ENPP3: variants seen among roughly 807,000 people sequenced by gnomAD.
ENPP3 encodes ectonucleotide pyrophosphatase/phosphodiesterase 3.
ENPP3 carries 104 observed loss-of-function variants against 117.8 expected under a neutral mutation model. That is an observed-to-expected ratio of 0.88 (90% CI 0.75 to 1.04). ENPP3 has a LOEUF of 1.04. Ranked by LOEUF, ENPP3 falls within the 50% of genes least tolerant of loss-of-function variation. ENPP3 has a pLI of 0.00. For missense variants in ENPP3, 1,026 were observed against 1,051.9 expected (o/e 0.98, Z 0.34); for synonymous variants, 380 against 349.9 (o/e 1.09, Z -0.96).
intron 17 of ENPP3, among the ~76,000 whole-genome samples, chr6:131,721,009 C>T (rs1780007377): frequency 6.6e-6 from 1 of 152,050 alleles, no homozygotes; most frequent in Non-Finnish European, 1.5e-5. Flanking sequence ...GACAAACTTA[C>T]CTAAAAACAC....
chr6:131,662,781 A>T (rs1778531011), intron 6 of ENPP3, among the ~76,000 whole-genome samples: 1 of 152,178 alleles, frequency 6.6e-6, no homozygotes, highest in Non-Finnish European at 1.5e-5. Context: ...TTTGGGTAAT[A>T]GGAACATTTT....
At chr6:131,721,727 T>C (rs891479699) in intron 17 of ENPP3, among the ~76,000 whole-genome samples, 5 of 152,202 alleles carry the variant, frequency 3.3e-5, no homozygotes, top group Non-Finnish European at 7.3e-5. Flanking sequence ...CAAGGAAGAT[T>C]ATAAATTATT....
intron 24 of ENPP3, among the ~76,000 whole-genome samples, chr6:131,745,674 A>G (rs1780621631): frequency 1.3e-5 from 2 of 152,226 alleles, no homozygotes; most frequent in Non-Finnish European, 2.9e-5. Flanking sequence ...TAGTCAGCAT[A>G]ATAAAATATA....
At chr6:131,721,652 ATAT>A (rs1487809826) in intron 17 of ENPP3, among the ~76,000 whole-genome samples, 1 of 150,782 alleles carries the variant, frequency 6.6e-6, no homozygotes, top group East Asian at 1.9e-4. Flanking sequence ...AGCTCTCCTA[ATAT>A]TAAGCAAAAT....
At position 131,685,473 on chromosome 6, in the gene ENPP3, T is replaced by A; in HGVS notation, c.1230T>A (p.Asn410Lys). 6.2e-7 allele frequency: 1 copy of A among 1,613,980 alleles called. No homozygotes were observed. Among genetic ancestry groups the A allele is most frequent in the Non-Finnish European group, 8.5e-7 (1 of 1,179,932 alleles). ...CTGCCCCCCGCATCCGAGCTCATAA[T>A]ATACCTCATGACTTTTTTAGTTGTA... ...EGPAPRIRAH[N>K]IPHDFFSFNS... Residue 410 changes from asparagine (N) to lysine (K), a missense_variant, in exon 13 of 25, where the codon AAT (asparagine) becomes AAA (lysine). Asn to Lys is a moderately conservative substitution (Grantham distance 94). Coordinates refer to ENST00000357639, the MANE Select transcript of ENPP3 (RefSeq NM_005021.5).
chr6:131,638,032 C>T (rs1224722689), intron 1 of ENPP3, among the ~76,000 whole-genome samples: 1 of 149,584 alleles, frequency 6.7e-6, no homozygotes. Flanking sequence ...TATCCATTTC[C>T]TTGATTTTAT....
chr6:131,671,159 T>A (rs1778731771), intron 6 of ENPP3, 89 bp from the exon 7 acceptor site: 2 of 791,180 alleles, frequency 2.5e-6, no homozygotes, highest in Admixed American at 2.0e-5. Context: ...TTTTTTATTT[T>A]TCTGAGAGAC....
At chr6:131,677,832 AT>A in intron 10 of ENPP3, 35 bp from the exon 11 acceptor site, 3 of 1,345,710 alleles carry the variant, frequency 2.2e-6, no homozygotes, top group Non-Finnish European at 3.2e-6. Flanking sequence ...TTTATAGCAA[AT>A]TGATAATATA....
At chr6:131,656,153 C>G (rs1044108496) in intron 5 of ENPP3, among the ~76,000 whole-genome samples, 5 of 152,106 alleles carry the variant, frequency 3.3e-5, no homozygotes, top group African/African-American at 1.2e-4. Flanking sequence ...CCTAGCTCTG[C>G]CCCTACTGGC....
chr6:131,691,314 C>T (rs141146293), intron 14 of ENPP3, among the ~76,000 whole-genome samples: 11,269 of 152,020 alleles, frequency 0.074, 1,278 homozygotes, highest in African/African-American at 0.25. Context: ...AACGGCCGGG[C>T]GCGGTGGCTC....
At chr6:131,640,283 C>T (rs192708608) in intron 1 of ENPP3, among the ~76,000 whole-genome samples, 5 of 152,248 alleles carry the variant, frequency 3.3e-5, no homozygotes, top group Admixed American at 6.5e-5. Context: ...TAGTTTCAGT[C>T]GACTGTGTCT....
chr6:131,703,967 T>G (rs1477870262), intron 15 of ENPP3, among the ~76,000 whole-genome samples: 1 of 151,896 alleles, frequency 6.6e-6, no homozygotes, highest in Non-Finnish European at 1.5e-5. Flanking sequence ...TCTCATTCTG[T>G]CTCTGAGGAA....
chr6:131,674,358 G>A (rs763256860), intron 8 of ENPP3, 77 bp downstream of exon 8: 1 of 1,401,296 alleles, frequency 7.1e-7, no homozygotes, highest in Non-Finnish European at 1.0e-6. Context: ...TTCTCACTCA[G>A]TGGAGCAAGT....
intron 20 of ENPP3, among the ~76,000 whole-genome samples, chr6:131,732,165 T>G (rs1327880227): frequency 6.6e-6 from 1 of 152,230 alleles, no homozygotes; most frequent in Non-Finnish European, 1.5e-5. Context: ...ATCTTCATTT[T>G]TTTATAAATT....
intron 6 of ENPP3, among the ~76,000 whole-genome samples, chr6:131,670,156 A>G (rs553460207): frequency 6.6e-6 from 1 of 152,372 alleles, no homozygotes; most frequent in East Asian, 1.9e-4. Context: ...GGTCTAATGG[A>G]AACTGTACTA....
At chr6:131,730,177 G>T (rs1177336008) in intron 20 of ENPP3, among the ~76,000 whole-genome samples, 1 of 152,176 alleles carries the variant, frequency 6.6e-6, no homozygotes, top group Non-Finnish European at 1.5e-5. Context: ...CGATAAAGAT[G>T]TGTGTTAGGA....
chr6:131,723,441 AG>A (rs1457334460), intron 18 of ENPP3, among the ~76,000 whole-genome samples: 1 of 152,156 alleles, frequency 6.6e-6, no homozygotes, highest in African/African-American at 2.4e-5. Flanking sequence ...ATTACTTACT[AG>A]GTATATTATT....
chr6:131,653,350 G>A (rs1778307016), intron 5 of ENPP3, among the ~76,000 whole-genome samples: 1 of 146,832 alleles, frequency 6.8e-6, no homozygotes, highest in African/African-American at 2.6e-5. Flanking sequence ...GTTTCACTAG[G>A]TTGCCCAGGC....
At chr6:131,723,500 C>T (rs958529682) in intron 18 of ENPP3, among the ~76,000 whole-genome samples, 5 of 152,066 alleles carry the variant, frequency 3.3e-5, no homozygotes, top group Admixed American at 6.6e-5. Context: ...ATAAATTGTT[C>T]GAGGCCAGAG....
Sources: gnomAD v4.1 joint callset for allele counts (sites outside exome capture counted in the v4.1 genomes callset) on GRCh38, gnomAD v4.1.1 for gene constraint, MANE v1.5 for transcripts, NCBI Gene and HGNC (gene_info 2026-07-23, HGNC 2026-07-21) for gene names.